Variants in IRAG1 observed in about 807,000 individuals in gnomAD.
IRAG1 encodes IP3R-associated cGMP kinase substrate.
In IRAG1, 62 loss-of-function variants were observed where a neutral mutation model predicts 106.2. The ratio of observed to expected loss-of-function variants is 0.58; its 90% CI spans 0.48 to 0.72. The LOEUF (loss-of-function observed/expected upper bound fraction) is 0.72, where lower values mean the gene tolerates loss of function less well. Ranked by LOEUF, IRAG1 falls within the 30% of genes least tolerant of loss-of-function variation. The probability of loss-of-function intolerance (pLI) is 0.00; values close to 1 mark genes in which losing one functional copy is unlikely to be tolerated. For synonymous variants in IRAG1, 462 were observed against 443.9 expected, an observed-to-expected ratio of 1.04 and a Z score of -0.51; for missense variants, 1,064 against 1,140.7, an observed-to-expected ratio of 0.93 and a Z score of 0.97.
chr11:10,591,917 G>A (rs1409987671), intron 17 of IRAG1, among the ~76,000 whole-genome samples: 1 of 152,112 alleles, frequency 6.6e-6, no homozygotes, highest in Non-Finnish European at 1.5e-5. Flanking sequence ...GTTTTTCTCT[G>A]TCCCGTTTAG....
Position 10,576,273 on chromosome 11 carries a change from G to C in IRAG1, c.*59C>G. On this transcript the variant is annotated 3_prime_UTR_variant, in exon 21 of 21. Coordinates refer to ENST00000423302, the MANE Select transcript of IRAG1 (RefSeq NM_130385.4). The stretch of plus-strand genomic sequence containing the variant: ...CACACTTGGGCCTGACGTTATACTT[G>C]GGGAAAGGGTGGTAGTCTGAGTGTC... 1.2e-6 allele frequency: 2 copies of C among 1,601,254 alleles called. No homozygotes were observed. Among genetic ancestry groups the C allele is most frequent in the East Asian group, 4.5e-5 (2 of 44,550 alleles).
Position 10,657,557 on chromosome 11 carries a change from C to T in IRAG1, c.68-5375G>A, listed in dbSNP as rs1217107313. Among the ~76,000 whole-genome samples, 1 of 152,208 alleles carries T rather than the reference C, an allele frequency of 6.6e-6. No homozygotes were observed. Among genetic ancestry groups the T allele is most frequent in the Admixed American group, 6.5e-5 (1 of 15,286 alleles). On this transcript the variant is annotated intron_variant, in intron 1 of 20. Transcript: ENST00000423302. The surrounding 1 kb of genome is among the most constrained non-coding windows in gnomAD (Gnocchi z 4.1). Reference sequence around the variant, plus strand: ...AGAGCCAAGAAGCCCTTTCGGGAAACCATGGGTTAACCTAGCCTCCACTGA... The same window carrying T: ...AGAGCCAAGAAGCCCTTTCGGGAAATCATGGGTTAACCTAGCCTCCACTGA...
chr11:10,625,717 G>A (rs889949128), intron 9 of IRAG1, among the ~76,000 whole-genome samples: 1 of 152,034 alleles, frequency 6.6e-6, no homozygotes, highest in Non-Finnish European at 1.5e-5. Context: ...ATGTGGCTTT[G>A]TGTGGCAACT....
At chr11:10,674,730 C>T (rs114721376) in intron 1 of IRAG1, among the ~76,000 whole-genome samples, 1,901 of 152,304 alleles carry the variant, frequency 0.012, 41 homozygotes, top group African/African-American at 0.043. Context: ...GGAATTGAAG[C>T]TCAACAGAAA....
intron 10 of IRAG1, chr11:10,616,946 T>G: frequency 1.2e-6 from 1 of 810,074 alleles, no homozygotes; most frequent in Non-Finnish European, 1.5e-6. Flanking sequence ...GTCAGGGACT[T>G]GGAAAAATTA....
chr11:10,690,825 A>C (rs889079849), intron 1 of IRAG1, among the ~76,000 whole-genome samples: 1 of 152,260 alleles, frequency 6.6e-6, no homozygotes, highest in Admixed American at 6.5e-5. Flanking sequence ...ACAAAGTAGA[A>C]GCTCAATTAA....
chr11:10,631,713 GC>G, intron 4 of IRAG1, among the ~76,000 whole-genome samples: 1 of 152,304 alleles, frequency 6.6e-6, no homozygotes, highest in East Asian at 1.9e-4. Flanking sequence ...GGAGGACTCT[GC>G]CCCCTAAACC....
chr11:10,663,344 A>T (rs1312244830), intron 1 of IRAG1, among the ~76,000 whole-genome samples: 1 of 152,126 alleles, frequency 6.6e-6, no homozygotes, highest in Non-Finnish European at 1.5e-5. Context: ...TTCTAGGAAG[A>T]GGTCATCAGG....
intron 1 of IRAG1, among the ~76,000 whole-genome samples, chr11:10,654,869 C>T (rs970679840): frequency 3.9e-5 from 6 of 152,182 alleles, no homozygotes; most frequent in Non-Finnish European, 8.8e-5. Context: ...ACAGACTTCA[C>T]CTGGCTCTTG....
At chr11:10,624,162 G>A (rs948276893) in intron 9 of IRAG1, among the ~76,000 whole-genome samples, 6 of 152,210 alleles carry the variant, frequency 3.9e-5, no homozygotes, top group African/African-American at 1.4e-4. Context: ...TGGCCTCACT[G>A]TGGCTGAGGT....
intron 18 of IRAG1, among the ~76,000 whole-genome samples, chr11:10,589,710 G>C (rs190735854): frequency 6.6e-6 from 1 of 152,214 alleles, no homozygotes; most frequent in Non-Finnish European, 1.5e-5. Context: ...CCCAACTGGC[G>C]AGTCAGCCCC....
At chr11:10,641,438 G>A (rs1279406489) in intron 2 of IRAG1, among the ~76,000 whole-genome samples, 1 of 152,200 alleles carries the variant, frequency 6.6e-6, no homozygotes, top group Non-Finnish European at 1.5e-5. Context: ...GACCACATAA[G>A]CCCAAGTGAT....
At chr11:10,611,472 G>T (rs1405456746) in intron 10 of IRAG1, 1 of 152,134 alleles carries the variant, frequency 6.6e-6, no homozygotes, top group African/African-American at 2.4e-5. Flanking sequence ...GCATATCAGG[G>T]TTTTTGCCTA....
At chr11:10,644,939 G>T (rs1217753073) in intron 2 of IRAG1, among the ~76,000 whole-genome samples, 1 of 152,172 alleles carries the variant, frequency 6.6e-6, no homozygotes, top group Non-Finnish European at 1.5e-5. Context: ...GCCTTCAGCA[G>T]TAAAGTATAT....
intron 10 of IRAG1, among the ~76,000 whole-genome samples, chr11:10,618,804 G>A (rs546433237): frequency 9.2e-5 from 14 of 152,334 alleles, no homozygotes; most frequent in Admixed American, 9.1e-4. Context: ...CTGGGGAAGT[G>A]GGTGGGGTTA....
chr11:10,667,932 T>G (rs997417817), intron 1 of IRAG1, among the ~76,000 whole-genome samples: 2 of 152,246 alleles, frequency 1.3e-5, no homozygotes, highest in Non-Finnish European at 2.9e-5. Flanking sequence ...TCCAGTTTCC[T>G]GGGCACTCAT....
At chr11:10,679,575 C>A (rs1483049442) in intron 1 of IRAG1, among the ~76,000 whole-genome samples, 3 of 152,220 alleles carry the variant, frequency 2.0e-5, no homozygotes, top group African/African-American at 7.2e-5. Context: ...CCATTCCAGC[C>A]CACTGTCTGC....
At position 10,657,115 on chromosome 11, in the gene IRAG1, G is replaced by A. The variant is rs2134964984; in HGVS notation, c.68-4933C>T. Among the ~76,000 whole-genome samples the A allele has an allele frequency of 6.6e-6, 1 of 152,292 alleles. No homozygotes were observed. Among genetic ancestry groups the A allele is most frequent in the East Asian group, 1.9e-4 (1 of 5,184 alleles). ...CTTACTGTATCCCAGAAAGTATAGA[G>A]CCATCATCGGGACGCACGGTTCAGG... On this transcript the variant is annotated intron_variant, in intron 1 of 20. Transcript: ENST00000423302. The surrounding 1 kb of genome is among the most constrained non-coding windows in gnomAD (Gnocchi z 4.1).
intron 1 of IRAG1, among the ~76,000 whole-genome samples, chr11:10,660,502 A>T (rs1859308880): frequency 6.6e-6 from 1 of 152,158 alleles, no homozygotes; most frequent in South Asian, 2.1e-4. Flanking sequence ...CACTATGTAC[A>T]TATCAGGGCC....
Sources: allele counts gnomAD v4.1 joint callset (sites outside exome capture counted in the v4.1 genomes callset), GRCh38; gene constraint gnomAD v4.1.1; non-coding constraint Gnocchi (gnomAD v3.1); transcripts MANE v1.5; gene names NCBI Gene and HGNC (gene_info 2026-07-23, HGNC 2026-07-21).